NPAS3: variants seen among roughly 807,000 people sequenced by gnomAD.
NPAS3 encodes neuronal PAS domain protein 3.
A neutral mutation model predicts 73.1 loss-of-function variants in NPAS3; 14 were observed. The ratio of observed to expected loss-of-function variants is 0.19; its 90% CI spans 0.13 to 0.30. The LOEUF is 0.30. Ranked by LOEUF, NPAS3 falls within the 10% of genes least tolerant of loss-of-function variation. NPAS3 has a pLI of 1.00. For missense variants in NPAS3, 1,096 were observed against 1,250.0 expected (o/e 0.88, Z 1.86); for synonymous variants, 620 against 541.5 (o/e 1.14, Z -2.01).
chr14:33,186,434 G>A (rs144254099), intron 2 of NPAS3, among the ~76,000 whole-genome samples: 3 of 152,016 alleles, frequency 2.0e-5, no homozygotes, highest in East Asian at 1.9e-4. Flanking sequence ...CTCAATTATC[G>A]TCTCTGTGCT....
chr14:33,058,181 T>C (rs1283615821), intron 2 of NPAS3, among the ~76,000 whole-genome samples: 1 of 151,838 alleles, frequency 6.6e-6, no homozygotes, highest in Admixed American at 6.6e-5. Context: ...TTCCACACTC[T>C]TGTTGGGTGA....
chr14:33,202,477 T>G (rs1344052149), intron 2 of NPAS3, among the ~76,000 whole-genome samples: 1 of 152,158 alleles, frequency 6.6e-6, no homozygotes, highest in Non-Finnish European at 1.5e-5. Flanking sequence ...AATAACGAAT[T>G]TGTAATTCCT....
At chr14:33,545,007 A>G (rs2054776240) in intron 4 of NPAS3, among the ~76,000 whole-genome samples, 1 of 150,984 alleles carries the variant, frequency 6.6e-6, no homozygotes, top group Non-Finnish European at 1.5e-5. Context: ...CATTGACATT[A>G]ATGTTCTGCC....
intron 6 of NPAS3, among the ~76,000 whole-genome samples, chr14:33,698,485 A>T (rs1458859498): frequency 6.6e-6 from 1 of 152,196 alleles, no homozygotes; most frequent in Non-Finnish European, 1.5e-5. Context: ...CAGCCCTCAG[A>T]AGATGCTCAC....
intron 3 of NPAS3, among the ~76,000 whole-genome samples, chr14:33,236,676 G>A (rs1421939026): frequency 6.6e-6 from 1 of 152,078 alleles, no homozygotes. Flanking sequence ...AACTCCCTGT[G>A]ACCTTGGCTG....
At chr14:33,637,434 C>T (rs2058552397) in intron 5 of NPAS3, among the ~76,000 whole-genome samples, 1 of 152,012 alleles carries the variant, frequency 6.6e-6, no homozygotes, top group African/African-American at 2.4e-5. Flanking sequence ...AATTTTTCTC[C>T]CTATGATGTT....
intron 1 of NPAS3, among the ~76,000 whole-genome samples, chr14:33,005,660 G>C (rs1356141143): frequency 1.3e-5 from 2 of 152,122 alleles, no homozygotes; most frequent in Non-Finnish European, 2.9e-5. Context: ...GGGTCGAAGG[G>C]GGGAGTTGTT....
chr14:33,662,327 G>A (rs2059331081), intron 5 of NPAS3, among the ~76,000 whole-genome samples: 1 of 152,196 alleles, frequency 6.6e-6, no homozygotes, highest in African/African-American at 2.4e-5. Context: ...AAGAAAAGTT[G>A]GTTAGCACCA....
chr14:33,519,253 T>G (rs1435480523), intron 4 of NPAS3, among the ~76,000 whole-genome samples: 1 of 152,160 alleles, frequency 6.6e-6, no homozygotes, highest in Non-Finnish European at 1.5e-5. Context: ...CTCATCAAAC[T>G]TCTCAGTATC....
intron 6 of NPAS3, among the ~76,000 whole-genome samples, chr14:33,694,336 A>G (rs1471980835): frequency 1.3e-5 from 2 of 152,164 alleles, no homozygotes; most frequent in Non-Finnish European, 2.9e-5. Context: ...ATCTAAGGAG[A>G]GCTGTGCTGA....
At chr14:33,034,835 G>A (rs2040109334) in intron 1 of NPAS3, among the ~76,000 whole-genome samples, 1 of 152,070 alleles carries the variant, frequency 6.6e-6, no homozygotes, top group Non-Finnish European at 1.5e-5. Flanking sequence ...AACCAAGGAG[G>A]CCATAGGACC....
intron 4 of NPAS3, among the ~76,000 whole-genome samples, chr14:33,381,392 T>A (rs1472124466): frequency 2.0e-5 from 3 of 152,226 alleles, no homozygotes; most frequent in African/African-American, 7.2e-5. Context: ...GCTGTATTAT[T>A]TTTTAACTAG....
At chr14:33,539,619 C>T (rs58042227) in intron 4 of NPAS3, among the ~76,000 whole-genome samples, 192 of 152,174 alleles carry the variant, frequency 1.3e-3, no homozygotes, top group African/African-American at 4.4e-3. Context: ...ACTTTCTGCC[C>T]ATCCCCAAGC....
intron 6 of NPAS3, among the ~76,000 whole-genome samples, chr14:33,691,580 G>C (rs568854267): frequency 1.3e-5 from 2 of 152,324 alleles, no homozygotes; most frequent in East Asian, 3.9e-4. Context: ...ATAAACACTT[G>C]ACTAAATTGG....
chr14:32,972,384 T>C (rs1483775865), intron 1 of NPAS3, among the ~76,000 whole-genome samples: 3 of 152,208 alleles, frequency 2.0e-5, no homozygotes, highest in East Asian at 3.8e-4. Context: ...TTAAAAAATA[T>C]TGAAAATAAT....
intron 4 of NPAS3, among the ~76,000 whole-genome samples, chr14:33,467,646 C>T (rs17101306): frequency 0.14 from 21,180 of 152,150 alleles, 1,582 homozygotes; most frequent in Admixed American, 0.19. Context: ...CCTCCCCCGG[C>T]TATTTTGGCC....
chr14:33,095,657 C>CTTTGTTTTTTTTTTTTT (rs2042382101), intron 2 of NPAS3, among the ~76,000 whole-genome samples: 1 of 97,656 alleles, frequency 1.0e-5, no homozygotes, highest in Non-Finnish European at 2.0e-5. Flanking sequence ...GCATTCTCTG[C>CTTTGTTTTTTTTTTTTT]TTTTATTTTT....
At chr14:33,193,225 T>C (rs1276467690) in intron 2 of NPAS3, among the ~76,000 whole-genome samples, 3 of 151,846 alleles carry the variant, frequency 2.0e-5, no homozygotes. Context: ...AGGCTTAACA[T>C]TTTATTTATT....
At chr14:33,266,734 G>T (rs914020428) in intron 3 of NPAS3, among the ~76,000 whole-genome samples, 1 of 152,068 alleles carries the variant, frequency 6.6e-6, no homozygotes, top group Non-Finnish European at 1.5e-5. Context: ...TGATGAGCTT[G>T]TTAAAGACTC....
Sources: gnomAD v4.1 joint callset for allele counts (sites outside exome capture counted in the v4.1 genomes callset) on GRCh38, gnomAD v4.1.1 for gene constraint, MANE v1.5 for transcripts, NCBI Gene and HGNC (gene_info 2026-07-23, HGNC 2026-07-21) for gene names.